The following SLC8A1 variants were observed in gnomAD, a reference collection of about 807,000 sequenced individuals.
The protein encoded by SLC8A1 is sodium/calcium exchanger 1.
In SLC8A1, 18 loss-of-function variants were observed where a neutral mutation model predicts 68.3. The ratio of observed to expected loss-of-function variants is 0.26; its 90% CI spans 0.18 to 0.39. The LOEUF (loss-of-function observed/expected upper bound fraction) is 0.39, where lower values mean the gene tolerates loss of function less well. SLC8A1 is among the 10% of genes least tolerant of loss of function. The pLI is 1.00. For missense variants in SLC8A1, 985 were observed against 1,156.7 expected, an observed-to-expected ratio of 0.85 and a Z score of 2.15; for synonymous variants, 475 against 415.5, an observed-to-expected ratio of 1.14 and a Z score of -1.74.
At chr2:40,502,746 A>G (rs1037200741) in intron 1 of SLC8A1, among the ~76,000 whole-genome samples, 3 of 152,080 alleles carry the variant, frequency 2.0e-5, no homozygotes, top group Non-Finnish European at 2.9e-5. Flanking sequence ...ACTTTGGGTC[A>G]GGAAATAGCA....
intron 2 of SLC8A1, among the ~76,000 whole-genome samples, chr2:40,230,321 C>T (rs902539876): frequency 6.6e-6 from 1 of 152,150 alleles, no homozygotes; most frequent in African/African-American, 2.4e-5. Flanking sequence ...GCTGTTATCA[C>T]TTTTTTCATC....
chr2:40,371,995 T>C (rs901630560), intron 2 of SLC8A1, among the ~76,000 whole-genome samples: 3 of 152,128 alleles, frequency 2.0e-5, no homozygotes, highest in African/African-American at 7.2e-5. Flanking sequence ...TAAGCATTGT[T>C]TATTCTCTTT....
intron 2 of SLC8A1, among the ~76,000 whole-genome samples, chr2:40,277,808 A>G (rs998740173): frequency 2.0e-3 from 204 of 101,862 alleles, no homozygotes; most frequent in African/African-American, 5.6e-3. Context: ...ATATATATAT[A>G]TATATATATA....
chr2:40,193,775 G>C (rs2052370531), intron 2 of SLC8A1, among the ~76,000 whole-genome samples: 1 of 152,120 alleles, frequency 6.6e-6, no homozygotes. Flanking sequence ...CAGGGAAGCA[G>C]ATGTGGAGAA....
chr2:40,390,314 T>C (rs1684872434), intron 2 of SLC8A1, among the ~76,000 whole-genome samples: 1 of 152,090 alleles, frequency 6.6e-6, no homozygotes, highest in African/African-American at 2.4e-5. Context: ...ACCACTTTTT[T>C]TTTAACTTTC....
At chr2:40,148,125 G>A (rs1433690285) in intron 6 of SLC8A1, among the ~76,000 whole-genome samples, 1 of 152,174 alleles carries the variant, frequency 6.6e-6, no homozygotes, top group Non-Finnish European at 1.5e-5. Context: ...GTGTAATTGG[G>A]AAATGTCTCT....
At chr2:40,357,958 C>T (rs1016647423) in intron 2 of SLC8A1, among the ~76,000 whole-genome samples, 11 of 149,934 alleles carry the variant, frequency 7.3e-5, no homozygotes, top group African/African-American at 1.2e-4. Flanking sequence ...GATATTTTAT[C>T]CTGATGTGTT....
At chr2:40,403,003 T>C (rs183425675) in intron 2 of SLC8A1, among the ~76,000 whole-genome samples, 10 of 152,322 alleles carry the variant, frequency 6.6e-5, no homozygotes, top group Admixed American at 5.2e-4. Flanking sequence ...TAATTAGACA[T>C]TTGTGCCTTC....
At chr2:40,292,238 C>A (rs1186916297) in intron 2 of SLC8A1, among the ~76,000 whole-genome samples, 1 of 152,124 alleles carries the variant, frequency 6.6e-6, no homozygotes, top group Non-Finnish European at 1.5e-5. Context: ...TTTTTCAGAA[C>A]TTTTGTACCC....
intron 2 of SLC8A1, among the ~76,000 whole-genome samples, chr2:40,382,529 G>A (rs948794127): frequency 2.0e-5 from 3 of 152,084 alleles, no homozygotes; most frequent in Non-Finnish European, 4.4e-5. Flanking sequence ...AGAATGCCTT[G>A]TAAGTACTAA....
Position 40,394,509 on chromosome 2 carries a change from T to A in SLC8A1, c.1808+33964A>T, listed in dbSNP as rs150085152. Among the ~76,000 whole-genome samples, 63 of 152,082 alleles carry A rather than the reference T, an allele frequency of 4.1e-4. 1 individual carries two copies. In the South Asian group the frequency reaches 0.012, roughly 29 times the overall value. Reference sequence around the variant, plus strand: ...CTGAAACAGAGCGGTAGCAAGCAAATGGCAGATTTGGTTTTATCATCAAGT... The same window carrying A: ...CTGAAACAGAGCGGTAGCAAGCAAAAGGCAGATTTGGTTTTATCATCAAGT... On this transcript the variant is annotated intron_variant, in intron 2 of 7. Coordinates refer to ENST00000406785, the Ensembl canonical transcript of SLC8A1.
intron 2 of SLC8A1, among the ~76,000 whole-genome samples, chr2:40,335,154 G>C (rs187403501): frequency 3.0e-4 from 46 of 152,256 alleles, no homozygotes; most frequent in Admixed American, 2.0e-3. Context: ...ATATGATATA[G>C]ATATACAATA....
intron 2 of SLC8A1, among the ~76,000 whole-genome samples, chr2:40,338,075 C>A (rs1399017118): frequency 6.6e-6 from 1 of 152,002 alleles, no homozygotes; most frequent in African/African-American, 2.4e-5. Context: ...TTAAGTTTCT[C>A]TCTATCTCTC....
intron 2 of SLC8A1, among the ~76,000 whole-genome samples, chr2:40,391,541 A>G (rs1367141567): frequency 1.3e-5 from 2 of 152,076 alleles, no homozygotes; most frequent in African/African-American, 4.8e-5. Context: ...GACAGGAACC[A>G]TAAATACTTC....
intron 2 of SLC8A1, among the ~76,000 whole-genome samples, chr2:40,205,177 C>A (rs1023101778): frequency 7.2e-5 from 11 of 151,980 alleles, no homozygotes; most frequent in Admixed American, 2.0e-4. Flanking sequence ...TTATTAATAG[C>A]TCAATTTAGC....
intron 2 of SLC8A1, among the ~76,000 whole-genome samples, chr2:40,345,162 G>A (rs1015733034): frequency 6.6e-6 from 1 of 152,066 alleles, no homozygotes; most frequent in African/African-American, 2.4e-5. Flanking sequence ...GGTTGCTTAT[G>A]ATAGGAGTGA....
At chr2:40,391,558 A>G (rs1332277487) in intron 2 of SLC8A1, among the ~76,000 whole-genome samples, 1 of 152,050 alleles carries the variant, frequency 6.6e-6, no homozygotes, top group Non-Finnish European at 1.5e-5. Context: ...CTTCTCCTGT[A>G]AATCCCTAAA....
chr2:40,333,878 G>C (rs889251368), intron 2 of SLC8A1, among the ~76,000 whole-genome samples: 15 of 152,072 alleles, frequency 9.9e-5, no homozygotes, highest in African/African-American at 3.6e-4. Context: ...GTGAAACCCT[G>C]TTTGTACTAA....
At chr2:40,110,792 A>G (rs1301663828) in exon 8 of SLC8A1, 1 of 152,200 alleles carries the variant, frequency 6.6e-6, no homozygotes, top group Non-Finnish European at 1.5e-5. Context: ...AAATATTAAA[A>G]GAAGTCTTAA....
Sources: allele counts gnomAD v4.1 joint callset (sites outside exome capture counted in the v4.1 genomes callset), GRCh38; gene constraint gnomAD v4.1.1; transcripts MANE v1.5; gene names NCBI Gene and HGNC (gene_info 2026-07-23, HGNC 2026-07-21).